Variants in CDH4 observed in about 807,000 individuals in gnomAD.
CDH4 encodes the protein cadherin-4.
CDH4 carries 33 observed loss-of-function variants against 86.0 expected under a neutral mutation model. The ratio of observed to expected loss-of-function variants is 0.38; its 90% CI spans 0.29 to 0.51. The LOEUF (loss-of-function observed/expected upper bound fraction) is 0.51, where lower values mean the gene tolerates loss of function less well. CDH4 is among the 20% of genes least tolerant of loss of function. The probability of loss-of-function intolerance (pLI) is 0.86; values close to 1 mark genes in which losing one functional copy is unlikely to be tolerated. For missense variants in CDH4, 1,114 were observed against 1,307.4 expected (o/e 0.85, Z 2.28); for synonymous variants, 555 against 549.4 (o/e 1.01, Z -0.14).
chr20:61,360,721 G>A (rs1384071203), intron 2 of CDH4, among the ~76,000 whole-genome samples: 2 of 152,136 alleles, frequency 1.3e-5, no homozygotes, highest in Non-Finnish European at 2.9e-5. Context: ...ATGGGTCATG[G>A]GGGTTTCTGA....
rs531543881 is a variant in CDH4 at position 61,503,539 on chromosome 20, T to C, written c.170-240024T>C. 2.2e-4 allele frequency among the ~76,000 whole-genome samples: 34 copies of C among 152,268 alleles called. 1 individual carries two copies. The South Asian group carries it at 6.2e-3, about 28-fold the overall frequency. ...GTGTGTCCTGGATGTTGGCGTCGGG[T>C]CATCACTGACCCTAAATCTCCTCAA... is the stretch of plus-strand genomic sequence containing the variant. On this transcript the variant is annotated intron_variant, in intron 2 of 15. Coordinates refer to ENST00000614565, the MANE Select transcript of CDH4 (RefSeq NM_001794.5).
intron 2 of CDH4, among the ~76,000 whole-genome samples, chr20:61,591,026 G>A (rs1445835786): frequency 6.6e-6 from 1 of 152,294 alleles, no homozygotes; most frequent in East Asian, 1.9e-4. Flanking sequence ...TTATTCCCCA[G>A]TACAAGGGCT....
At chr20:61,772,436 T>C (rs1052249569) in intron 3 of CDH4, among the ~76,000 whole-genome samples, 1 of 152,212 alleles carries the variant, frequency 6.6e-6, no homozygotes, top group African/African-American at 2.4e-5. Context: ...TTTTCATAAG[T>C]TTATTGATCA....
chr20:61,524,335 G>T (rs1344430), intron 2 of CDH4, among the ~76,000 whole-genome samples: 8,551 of 152,180 alleles, frequency 0.056, 587 homozygotes, highest in East Asian at 0.34. Context: ...CCTGCAGAAA[G>T]CCTGGACACC....
rs1412389494 is a variant in CDH4 at position 61,743,792 on chromosome 20, A to G, written c.396+3A>G. 2 of 1,589,842 alleles carry G rather than the reference A, an allele frequency of 1.3e-6. No individual in the cohort carries two copies. The highest frequency in any genetic ancestry group is 1.7e-6 in the Non-Finnish European group (2 of 1,167,768). On this transcript the variant is annotated splice_donor_region_variant and intron_variant, in intron 3 of 15. Coordinates refer to ENST00000614565, the MANE Select transcript of CDH4 (RefSeq NM_001794.5). Reference sequence around the variant, plus strand: ...CGTCCCCGCACTCTGGACACAAGGTAAGGTGTGACCGCCCGGGTCTGCGCT... The same window carrying G: ...CGTCCCCGCACTCTGGACACAAGGTGAGGTGTGACCGCCCGGGTCTGCGCT...
intron 2 of CDH4, among the ~76,000 whole-genome samples, chr20:61,704,476 C>A (rs2087808926): frequency 6.6e-6 from 1 of 152,142 alleles, no homozygotes; most frequent in Admixed American, 6.5e-5. Context: ...TTTCTGGAGG[C>A]CTGGCTGGCG....
intron 2 of CDH4, among the ~76,000 whole-genome samples, chr20:61,657,644 A>G (rs1452494256): frequency 1.3e-5 from 2 of 152,250 alleles, no homozygotes; most frequent in Non-Finnish European, 2.9e-5. Context: ...GATCTACAGA[A>G]GTTGGATGGG....
intron 9 of CDH4, among the ~76,000 whole-genome samples, chr20:61,918,834 C>T (rs543264485): frequency 1.5e-3 from 225 of 152,308 alleles, no homozygotes; most frequent in Admixed American, 3.9e-3. Context: ...GAGCCACCGT[C>T]TCAGTTTTCC....
rs532148606 is a variant in CDH4 at position 61,348,260 on chromosome 20, G to A, written c.169+93323G>A. 2.0e-5 allele frequency among the ~76,000 whole-genome samples: 3 copies of A among 152,250 alleles called. No homozygotes were observed. In the East Asian group the frequency reaches 5.8e-4, roughly 29 times the overall value. On this transcript the variant is annotated intron_variant, in intron 2 of 15. Transcript: ENST00000614565. ...TAAGGCACATCTTACATGGTGGCAGGCAAAAGAGCATGTGCAGGGGACTCC... is the reference window on the plus strand; with the variant it reads ...TAAGGCACATCTTACATGGTGGCAGACAAAAGAGCATGTGCAGGGGACTCC...
intron 2 of CDH4, among the ~76,000 whole-genome samples, chr20:61,729,144 C>T (rs2088148735): frequency 6.6e-6 from 1 of 152,196 alleles, no homozygotes; most frequent in Non-Finnish European, 1.5e-5. Context: ...GAGGCCCTGG[C>T]ATCTCACAAG....
At chr20:61,418,383 T>G (rs1378221444) in intron 2 of CDH4, among the ~76,000 whole-genome samples, 1 of 152,028 alleles carries the variant, frequency 6.6e-6, no homozygotes, top group East Asian at 1.9e-4. Context: ...GCTAATTTTT[T>G]GTATTTTTTA....
chr20:61,525,584 G>A lies in CDH4; in HGVS notation c.170-217979G>A, dbSNP rs545815865. On this transcript the variant is annotated intron_variant, in intron 2 of 15. Transcript: ENST00000614565. ...CAGAAGCCGGGACTTGCTGAACTCTGAGAGAGCAGGAGGGGAAACGGATTG... is the reference window on the plus strand; with the variant it reads ...CAGAAGCCGGGACTTGCTGAACTCTAAGAGAGCAGGAGGGGAAACGGATTG... Among the ~76,000 whole-genome samples the A allele has an allele frequency of 1.7e-4, 26 of 152,310 alleles. No individual in the cohort carries two copies. The South Asian group carries it at 5.2e-3, about 30-fold the overall frequency.
intron 2 of CDH4, among the ~76,000 whole-genome samples, chr20:61,305,306 A>G (rs567356949): frequency 3.2e-4 from 49 of 150,934 alleles, no homozygotes; most frequent in Non-Finnish European, 6.5e-4. Flanking sequence ...GGGCCAGTGC[A>G]CCTGCCGTAT....
rs1221614164 is a variant in CDH4 at position 61,902,193 on chromosome 20, C to T, written c.1188+7146C>T. Reference sequence around the variant, plus strand: ...GGGTCCTCGGCAGGCGTGGAGGCATCGTGGATGGCCGTTTTCAGAGCAGGG... The same window carrying T: ...GGGTCCTCGGCAGGCGTGGAGGCATTGTGGATGGCCGTTTTCAGAGCAGGG... On this transcript the variant is annotated intron_variant, in intron 8 of 15. Transcript: ENST00000614565. This position sits in a 1 kb window ranked among gnomAD's most constrained non-coding sequence, Gnocchi z 4.6. Among the ~76,000 whole-genome samples, 1 of 152,180 alleles carries T rather than the reference C, an allele frequency of 6.6e-6. No homozygotes were observed. The highest frequency in any genetic ancestry group is 2.4e-5 in the African/African-American group (1 of 41,438).
intron 7 of CDH4, among the ~76,000 whole-genome samples, chr20:61,874,873 C>T (rs1021958548): frequency 2.4e-4 from 37 of 152,212 alleles, no homozygotes; most frequent in African/African-American, 7.7e-4. Flanking sequence ...GCCCTGCCCG[C>T]GGGAGGCTTG....
At chr20:61,873,598 G>A (rs1206512145) in intron 6 of CDH4, 130 bp from the exon 7 acceptor site, 24 of 925,730 alleles carry the variant, frequency 2.6e-5, no homozygotes, top group East Asian at 2.0e-4. Flanking sequence ...TGAACACGCC[G>A]AGAGGAAGGG....
At chr20:61,935,331 G>T (rs774326954) in intron 15 of CDH4, among the ~76,000 whole-genome samples, 1 of 152,222 alleles carries the variant, frequency 6.6e-6, no homozygotes, top group East Asian at 1.9e-4. Context: ...TGGTGTTCTG[G>T]GCCACAGATG....
At chr20:61,575,491 G>C (rs2086376395) in intron 2 of CDH4, among the ~76,000 whole-genome samples, 1 of 152,208 alleles carries the variant, frequency 6.6e-6, no homozygotes, top group Non-Finnish European at 1.5e-5. Context: ...TGTACTCGTG[G>C]AGTTTAAATC....
At chr20:61,808,814 A>G (rs1980276748) in intron 4 of CDH4, among the ~76,000 whole-genome samples, 1 of 149,074 alleles carries the variant, frequency 6.7e-6, no homozygotes, top group Non-Finnish European at 1.5e-5. Context: ...ACTGGATTCC[A>G]AGAATACTCT....
Sources: gnomAD v4.1 joint callset for allele counts (sites outside exome capture counted in the v4.1 genomes callset) on GRCh38, gnomAD v4.1.1 for gene constraint, Gnocchi (gnomAD v3.1) non-coding constraint, MANE v1.5 for transcripts, NCBI Gene and HGNC (gene_info 2026-07-23, HGNC 2026-07-21) for gene names.